ITPKB: variants seen among roughly 807,000 people sequenced by gnomAD.
ITPKB encodes IP3 3-kinase B.
In ITPKB, 13 loss-of-function variants were observed where a neutral mutation model predicts 69.4. The ratio of observed to expected loss-of-function variants is 0.19; its 90% CI spans 0.12 to 0.30. The LOEUF (loss-of-function observed/expected upper bound fraction) is 0.30. ITPKB is among the 10% of genes least tolerant of loss of function. The pLI is 1.00. For missense variants in ITPKB, 1,240 were observed against 1,250.5 expected (o/e 0.99, Z 0.13); for synonymous variants, 584 against 513.7 (o/e 1.14, Z -1.85).
chr1:226,690,968 A>C (rs1270357171), intron 2 of ITPKB, among the ~76,000 whole-genome samples: 1 of 152,240 alleles, frequency 6.6e-6, no homozygotes, highest in Admixed American at 6.5e-5. Flanking sequence ...CAGACACAAA[A>C]GGACAAACGC....
At chr1:226,658,137 A>G (rs182504637) in intron 2 of ITPKB, among the ~76,000 whole-genome samples, 53 of 152,322 alleles carry the variant, frequency 3.5e-4, no homozygotes, top group African/African-American at 1.1e-3. Context: ...TTTGGAAAAA[A>G]TCCTTTTTTC....
In ITPKB at chr1:226,634,585, T is replaced by G. The variant is rs887120204; in HGVS notation, c.*86A>C. 3 of 677,254 alleles carry G rather than the reference T, an allele frequency of 4.4e-6. No individual in the cohort carries two copies. Among genetic ancestry groups the G allele is most frequent in the Non-Finnish European group, 8.3e-6 (3 of 362,950 alleles). The allele number at this position is 677,254 out of a possible 1,614,324, so 42.0% of individuals were successfully genotyped here. A position where few individuals can be genotyped will look rare whatever the true frequency, so the allele number is the denominator to read the frequency against. On this transcript the variant is annotated 3_prime_UTR_variant, in exon 8 of 8. Transcript: ENST00000429204. The surrounding 1 kb of genome is among the most constrained non-coding windows in gnomAD (Gnocchi z 6.3). ...GCAGTTCAGGAGGGTCAGTCAGGTG[T>G]AAGTGAAGGAAAAGTTAGGAACGAG...
rs2102746078 is a variant in ITPKB, at chr1:226,648,654, T to C, written c.2032+18A>G. On this transcript the variant is annotated intron_variant, in intron 3 of 7. Coordinates refer to ENST00000429204, the MANE Select transcript of ITPKB (RefSeq NM_002221.4). Reference sequence around the variant, plus strand: ...GGCTGAGCACCATGCTGGGAAAGTCTGGGAGAGCTGTGTCTACCTGCGTGT... The same window carrying C: ...GGCTGAGCACCATGCTGGGAAAGTCCGGGAGAGCTGTGTCTACCTGCGTGT... 3.3e-6 allele frequency: 5 copies of C among 1,510,572 alleles called. No homozygotes were observed. Among genetic ancestry groups the C allele is most frequent in the Non-Finnish European group, 4.6e-6 (5 of 1,085,450 alleles). 93.6% of individuals were successfully genotyped at this position (1,510,572 alleles called of 1,614,324 possible).
intron 2 of ITPKB, among the ~76,000 whole-genome samples, chr1:226,716,049 A>C (rs1049585245): frequency 3.3e-5 from 5 of 152,188 alleles, no homozygotes; most frequent in African/African-American, 1.2e-4. Context: ...GACCTCAGGC[A>C]ATCTGCCCAC....
intron 2 of ITPKB, among the ~76,000 whole-genome samples, chr1:226,718,290 C>G (rs1418067388): frequency 1.0e-5 from 1 of 96,580 alleles, no homozygotes; most frequent in Non-Finnish European, 2.3e-5. Flanking sequence ...CAAGACTTCT[C>G]AAAAAAAAAA....
chr1:226,649,539 T>C lies in ITPKB; in HGVS notation c.1933-768A>G, dbSNP rs193195668. Among the ~76,000 whole-genome samples the C allele has an allele frequency of 9.1e-3, 1,376 of 150,630 alleles. 25 individuals are homozygous for C. The highest frequency in any genetic ancestry group is 0.033 in the African/African-American group (1,313 of 40,230). On this transcript the variant is annotated intron_variant, in intron 2 of 7. Transcript: ENST00000429204. Reference sequence around the variant, plus strand: ...CATGTGTGTGATGTGTGCATGTGTGTGCATGCGTGTGTGATATGCACATAT... The same window carrying C: ...CATGTGTGTGATGTGTGCATGTGTGCGCATGCGTGTGTGATATGCACATAT...
At chr1:226,677,708 C>T (rs1487551775) in intron 2 of ITPKB, among the ~76,000 whole-genome samples, 2 of 152,194 alleles carry the variant, frequency 1.3e-5, no homozygotes. Flanking sequence ...ATTTCTCTTC[C>T]CATGGCAAAA....
chr1:226,656,402 C>A (rs926719515), intron 2 of ITPKB, among the ~76,000 whole-genome samples: 1 of 152,204 alleles, frequency 6.6e-6, no homozygotes, highest in Non-Finnish European at 1.5e-5. Context: ...ACATTCTGGG[C>A]AGGTGCGGGC....
chr1:226,639,054 CTT>C lies in ITPKB; in HGVS notation c.2553+501_2553+502del, dbSNP rs34561047. On this transcript the variant is annotated intron_variant, in intron 6 of 7. Coordinates refer to ENST00000429204, the MANE Select transcript of ITPKB (RefSeq NM_002221.4). ...TGGGTACTAACTTCAGTGCCCTTGA[CTT>C]TTTTTTTTTTTTTTTTCCCAGACAG... Among the ~76,000 whole-genome samples the C allele has an allele frequency of 4.0e-5, 5 of 123,786 alleles. No individual in the cohort carries two copies. In the East Asian group the frequency reaches 9.5e-4, roughly 24 times the overall value. The allele number at this position is 123,786 out of a possible 152,430, so 81.2% of individuals were successfully genotyped here.
intron 7 of ITPKB, among the ~76,000 whole-genome samples, chr1:226,635,501 C>T (rs12133477): frequency 1.3e-5 from 2 of 152,322 alleles, no homozygotes; most frequent in East Asian, 3.9e-4. Context: ...GCTGAGATTA[C>T]GGGCATGAAT....
chr1:226,660,869 G>A (rs757221745), intron 2 of ITPKB, among the ~76,000 whole-genome samples: 2 of 152,230 alleles, frequency 1.3e-5, no homozygotes, highest in Admixed American at 1.3e-4. Flanking sequence ...GGGAAAGGGC[G>A]CCTGGGCTCT....
chr1:226,722,138 A>C (rs1335820383), intron 2 of ITPKB, among the ~76,000 whole-genome samples: 1 of 152,200 alleles, frequency 6.6e-6, no homozygotes, highest in East Asian at 1.9e-4. Flanking sequence ...AAGTTGCTCA[A>C]GTCTTCTTTG....
At chr1:226,658,229 G>T (rs561441471) in intron 2 of ITPKB, among the ~76,000 whole-genome samples, 1 of 152,214 alleles carries the variant, frequency 6.6e-6, no homozygotes, top group Non-Finnish European at 1.5e-5. Flanking sequence ...GGAAAAGCCT[G>T]GTGCTTCTCC....
chr1:226,667,458 T>C (rs962145171), intron 2 of ITPKB, among the ~76,000 whole-genome samples: 1 of 152,176 alleles, frequency 6.6e-6, no homozygotes, highest in African/African-American at 2.4e-5. Flanking sequence ...AAGTAAGGGT[T>C]GCCTCACACC....
chr1:226,721,670 T>C (rs1455632399), intron 2 of ITPKB, among the ~76,000 whole-genome samples: 1 of 151,770 alleles, frequency 6.6e-6, no homozygotes, highest in African/African-American at 2.4e-5. Context: ...TAATATTTTG[T>C]ATTTAGTAGA....
intron 2 of ITPKB, among the ~76,000 whole-genome samples, chr1:226,659,130 C>T (rs1669353172): frequency 6.6e-6 from 1 of 152,176 alleles, no homozygotes; most frequent in Non-Finnish European, 1.5e-5. Context: ...TGAGTGACTG[C>T]CCAGCTGTCT....
chr1:226,635,371 C>A (rs1484460082), intron 7 of ITPKB, among the ~76,000 whole-genome samples: 3 of 152,140 alleles, frequency 2.0e-5, no homozygotes, highest in Admixed American at 6.6e-5. Flanking sequence ...CAGGCATGCA[C>A]CACGATGCCC....
At chr1:226,656,454 GGAA>G (rs1037275219) in intron 2 of ITPKB, among the ~76,000 whole-genome samples, 58 of 152,252 alleles carry the variant, frequency 3.8e-4, no homozygotes, top group African/African-American at 1.3e-3. Context: ...TTCCTCTCCC[GGAA>G]GCCACAGCTG....
chr1:226,718,719 C>T (rs888533910), intron 2 of ITPKB, among the ~76,000 whole-genome samples: 5 of 152,322 alleles, frequency 3.3e-5, no homozygotes, highest in South Asian at 4.1e-4. Context: ...CTAAATAAAA[C>T]GCTGGCAAGG....
Sources: allele counts gnomAD v4.1 joint callset (sites outside exome capture counted in the v4.1 genomes callset), GRCh38; gene constraint gnomAD v4.1.1; non-coding constraint Gnocchi (gnomAD v3.1); transcripts MANE v1.5; gene names NCBI Gene and HGNC (gene_info 2026-07-23, HGNC 2026-07-21).